The following ASAH2 variants were observed in gnomAD, a reference collection of about 807,000 sequenced individuals.
The protein encoded by ASAH2 is neutral ceramidase.
A neutral mutation model predicts 82.9 loss-of-function variants in ASAH2; 58 were observed. That is an observed-to-expected ratio of 0.70 (90% CI 0.57 to 0.87). The LOEUF (loss-of-function observed/expected upper bound fraction) is 0.87, where lower values mean the gene tolerates loss of function less well. Among genes scored for constraint, ASAH2 ranks in the 40% least tolerant of loss-of-function variants. The pLI is 0.00. For missense variants in ASAH2, 779 were observed against 834.0 expected, an observed-to-expected ratio of 0.93 and a Z score of 0.81; for synonymous variants, 276 against 289.7, an observed-to-expected ratio of 0.95 and a Z score of 0.48.
chr10:50,219,740 T>C (rs1447737957), intron 7 of ASAH2, among the ~76,000 whole-genome samples: 2 of 152,256 alleles, frequency 1.3e-5, no homozygotes, highest in Non-Finnish European at 2.9e-5. Context: ...TCAGTTCTTA[T>C]TGCCTATCAG....
At chr10:50,240,398 A>G (rs1054175331) in intron 4 of ASAH2, 8 of 700,484 alleles carry the variant, frequency 1.1e-5, no homozygotes, top group Non-Finnish European at 2.1e-5. Flanking sequence ...ATAAAGCCTC[A>G]GTATCTCTTT....
At position 50,245,232 on chromosome 10, in the gene ASAH2, T is replaced by G; in HGVS notation, c.350A>C (p.Asp117Ala). 1 of 1,613,500 alleles carries G rather than the reference T, an allele frequency of 6.2e-7. No individual in the cohort carries two copies. The highest frequency in any genetic ancestry group is 8.5e-7 in the Non-Finnish European group (1 of 1,179,430). Reference protein sequence around the residue: ...GRADCTGQVADINLMGYGKSG... With the variant: ...GRADCTGQVAAINLMGYGKSG... ...CCATTGTCTACTTGCCAAATTGATATCTGCTACTTGTCCTGTGCAGTCAGC... is the reference window on the plus strand; with the variant it reads ...CCATTGTCTACTTGCCAAATTGATAGCTGCTACTTGTCCTGTGCAGTCAGC... Residue 117 changes from aspartate (D) to alanine (A), a missense_variant, in exon 3 of 21, where the codon GAT (aspartate) becomes GCT (alanine). Transcript: ENST00000682911.
chr10:50,243,255 T>C lies in ASAH2; in HGVS notation c.457A>G (p.Thr153Ala), dbSNP rs1340934980. The C allele has an allele frequency of 2.5e-6, 4 of 1,614,016 alleles. No individual in the cohort carries two copies. Among genetic ancestry groups the C allele is most frequent in the Non-Finnish European group, 3.4e-6 (4 of 1,179,990 alleles). Reference sequence around the variant, plus strand: ...CCTATGTCGATGCTGACAAACACTGTTCGATTGGACCCATCAGGTTCTGCC... The same window carrying C: ...CCTATGTCGATGCTGACAAACACTGCTCGATTGGACCCATCAGGTTCTGCC... ...IMAEPDGSNR[T>A]VFVSIDIGMV... Residue 153 changes from threonine (T) to alanine (A), a missense_variant, in exon 4 of 21, where the codon ACA (threonine) becomes GCA (alanine). Coordinates refer to ENST00000682911, the MANE Select transcript of ASAH2 (RefSeq NM_019893.4).
intron 10 of ASAH2, among the ~76,000 whole-genome samples, chr10:50,212,177 ATTT>A (rs1845471426): frequency 7.1e-6 from 1 of 141,066 alleles, no homozygotes; most frequent in Non-Finnish European, 1.5e-5. Context: ...GGAATAAACT[ATTT>A]AAACACACAC....
intron 8 of ASAH2, 81 bp downstream of exon 8, chr10:50,218,429 T>C: frequency 6.3e-7 from 1 of 1,590,950 alleles, no homozygotes; most frequent in Non-Finnish European, 8.6e-7. Context: ...TTCTGGAGAT[T>C]TGAATCACCT....
Position 50,248,601 on chromosome 10 carries a change from G to C in ASAH2, c.10C>G (p.Arg4Gly), listed in dbSNP as rs578123995. The change falls in exon 2 of 21, where the codon CGC (arginine) becomes GGC (glycine). Residue 4 changes from arginine (R) to glycine (G), a missense_variant. Around this residue, in one of 3 missense-constraint regions of ASAH2, gnomAD observed 759 missense variants for 755.2 expected, o/e 1.00. Coordinates refer to ENST00000682911, the MANE Select transcript of ASAH2 (RefSeq NM_019893.4). The stretch of plus-strand genomic sequence containing the variant: ...AATGTCTCCAAGTTAGAGAAGGTGC[G>C]TTTGGCCATTTCTTCTCAGGTACAG... MAK[R>G]TFSNLETFLI... 10 of 1,613,390 alleles carry C rather than the reference G, an allele frequency of 6.2e-6. No individual in the cohort carries two copies. Among genetic ancestry groups the C allele is most frequent in the Non-Finnish European group, 6.8e-6 (8 of 1,179,538 alleles).
chr10:50,202,742 G>A (rs1366022059), intron 16 of ASAH2, 87 bp downstream of exon 16: 1 of 938,494 alleles, frequency 1.1e-6, no homozygotes, highest in Admixed American at 1.7e-5. Context: ...AACATGACTG[G>A]GAAAGTTTAC....
At chr10:50,197,410 C>T (rs1309999652) in intron 17 of ASAH2, among the ~76,000 whole-genome samples, 2 of 151,388 alleles carry the variant, frequency 1.3e-5, no homozygotes, top group African/African-American at 4.8e-5. Context: ...GATCATCCCA[C>T]ATCCTGACTG....
At chr10:50,194,337 T>A (rs1205132211) in intron 18 of ASAH2, among the ~76,000 whole-genome samples, 1 of 151,586 alleles carries the variant, frequency 6.6e-6, no homozygotes, top group Non-Finnish European at 1.5e-5. Flanking sequence ...TTATTTAACA[T>A]CTGAAAACCA....
At chr10:50,221,629 GTA>G (rs199581432) in intron 7 of ASAH2, among the ~76,000 whole-genome samples, 6,006 of 135,952 alleles carry the variant, frequency 0.044, 168 homozygotes, top group Middle Eastern at 0.12. Flanking sequence ...AATTCAGGTT[GTA>G]TGTGTGTGTG....
At chr10:50,203,804 C>T (rs1320210380) in intron 14 of ASAH2, 125 bp from the exon 15 acceptor site, 3 of 791,646 alleles carry the variant, frequency 3.8e-6, no homozygotes, top group Admixed American at 3.9e-5. Flanking sequence ...TATGTAGGAA[C>T]CCAATGACTA....
intron 8 of ASAH2, among the ~76,000 whole-genome samples, chr10:50,216,983 G>T (rs1240030881): frequency 6.6e-6 from 1 of 152,120 alleles, no homozygotes; most frequent in East Asian, 1.9e-4. Context: ...CAAAACTCAT[G>T]TTGAAATTTG....
At chr10:50,211,652 T>A (rs1222371364) in intron 10 of ASAH2, among the ~76,000 whole-genome samples, 1 of 152,192 alleles carries the variant, frequency 6.6e-6, no homozygotes, top group East Asian at 1.9e-4. Context: ...TGTTTTAATA[T>A]GGTCAATTGA....
intron 4 of ASAH2, among the ~76,000 whole-genome samples, chr10:50,240,967 C>T (rs912221404): frequency 3.9e-5 from 6 of 152,310 alleles, no homozygotes; most frequent in East Asian, 1.9e-4. Flanking sequence ...GTGAAAGTAA[C>T]GGTGTATAAC....
At chr10:50,244,953 C>T (rs1343627253) in intron 3 of ASAH2, among the ~76,000 whole-genome samples, 27 of 151,574 alleles carry the variant, frequency 1.8e-4, no homozygotes, top group Admixed American at 1.7e-3. Flanking sequence ...AAGGTGCCTG[C>T]TCACCCCCTG....
chr10:50,246,335 T>A (rs375664401), intron 2 of ASAH2, among the ~76,000 whole-genome samples: 147 of 152,338 alleles, frequency 9.6e-4, no homozygotes, highest in Middle Eastern at 3.4e-3. Context: ...GAACAATAAC[T>A]ATGTTCACTA....
intron 7 of ASAH2, among the ~76,000 whole-genome samples, chr10:50,230,565 G>A (rs958858688): frequency 2.6e-4 from 39 of 152,010 alleles, no homozygotes; most frequent in Admixed American, 7.9e-4. Context: ...GATAACATAC[G>A]GCAGCTCAGA....
chr10:50,233,306 CTAA>C, intron 6 of ASAH2, 45 bp from the exon 7 acceptor site: 1 of 1,390,092 alleles, frequency 7.2e-7, no homozygotes, highest in Non-Finnish European at 1.0e-6. Context: ...GTGTTAGAGC[CTAA>C]CCCTCATGTA....
chr10:50,226,022 G>A (rs1845874832), intron 7 of ASAH2, among the ~76,000 whole-genome samples: 1 of 152,026 alleles, frequency 6.6e-6, no homozygotes, highest in African/African-American at 2.4e-5. Flanking sequence ...GAACCCAGGA[G>A]GTGGAGGTTG....
Sources: gnomAD v4.1 joint callset for allele counts (sites outside exome capture counted in the v4.1 genomes callset) on GRCh38, gnomAD v4.1.1 for gene constraint, gnomAD v4.1.1 regional missense constraint, MANE v1.5 for transcripts, NCBI Gene and HGNC (gene_info 2026-07-23, HGNC 2026-07-21) for gene names.